Variants in INTS8 observed in about 807,000 individuals in gnomAD.
INTS8 encodes the protein integrator complex subunit 8, also known as protein kaonashi-1.
A neutral mutation model predicts 138.9 loss-of-function variants in INTS8; 47 were observed. The observed-to-expected ratio is 0.34, with a 90% CI of 0.27 to 0.43. The LOEUF is 0.43. Among genes scored for constraint, INTS8 ranks in the 20% least tolerant of loss-of-function variants. INTS8 has a pLI of 1.00. For missense variants in INTS8, 996 were observed against 1,173.0 expected (o/e 0.85, Z 2.20); for synonymous variants, 392 against 400.9 (o/e 0.98, Z 0.27).
rs1338765917 is a variant in INTS8 at position 94,825,071 on chromosome 8, T to TC, written c.305+6dup. 1 of 1,579,968 alleles carries TC rather than the reference T, an allele frequency of 6.3e-7. No individual in the cohort carries two copies. The highest frequency in any genetic ancestry group is 1.8e-5 in the Admixed American group (1 of 56,906). Reference sequence around the variant, plus strand: ...ACTTAGACATATTAGAGAAAAGGTATCCAAGATTTCAGTGAAATTTCATTT... The same window carrying TC: ...ACTTAGACATATTAGAGAAAAGGTATCCCAAGATTTCAGTGAAATTTCATTT... On this transcript the variant is annotated splice_donor_region_variant and intron_variant, in intron 2 of 26. Coordinates refer to ENST00000523731, the MANE Select transcript of INTS8 (RefSeq NM_017864.4).
chr8:94,851,018 G>A (rs1815523830), intron 12 of INTS8, among the ~76,000 whole-genome samples: 1 of 152,162 alleles, frequency 6.6e-6, no homozygotes, highest in Non-Finnish European at 1.5e-5. Context: ...AAAGGAAAAG[G>A]GTAAGGTTAA....
intron 14 of INTS8, among the ~76,000 whole-genome samples, chr8:94,854,875 G>T (rs1815687196): frequency 6.6e-6 from 1 of 151,726 alleles, no homozygotes; most frequent in Non-Finnish European, 1.5e-5. Context: ...GGAACCACAG[G>T]CATGTGCCAC....
In INTS8 at chr8:94,878,971, A is replaced by T. The variant is rs536505496; in HGVS notation, c.2872-1147A>T. On this transcript the variant is annotated intron_variant, in intron 26 of 26. Transcript: ENST00000523731. ...TTCTCAAGAAGTTAGTCCTTGGGTT[A>T]CTTTTCTGTAACCCTGCATTCTCCC... Among the ~76,000 whole-genome samples the T allele has an allele frequency of 6.8e-4, 104 of 152,214 alleles. 2 individuals are homozygous for T. Among genetic ancestry groups the T allele is most frequent in the African/African-American group, 2.4e-3 (101 of 41,528 alleles).
chr8:94,866,357 A>G (rs761127153), intron 18 of INTS8, 166 bp downstream of exon 18: 2 of 614,572 alleles, frequency 3.3e-6, no homozygotes, highest in Admixed American at 2.3e-5. Context: ...CTGAGGTGTG[A>G]TTGTAACTCA....
At chr8:94,834,207 A>C (rs964344012) in intron 6 of INTS8, among the ~76,000 whole-genome samples, 3 of 152,168 alleles carry the variant, frequency 2.0e-5, no homozygotes, top group Admixed American at 1.3e-4. Flanking sequence ...TTTTACAGTA[A>C]ATCTATTGAG....
intron 11 of INTS8, 44 bp downstream of exon 11, chr8:94,849,576 A>T: frequency 1.7e-6 from 2 of 1,159,062 alleles, no homozygotes. Context: ...TTTAACTTTG[A>T]ACTTAGTCCT....
In INTS8 at chr8:94,880,363, C is replaced by T; in HGVS notation, c.*129C>T. On this transcript the variant is annotated 3_prime_UTR_variant, in exon 27 of 27. Coordinates refer to ENST00000523731, the MANE Select transcript of INTS8 (RefSeq NM_017864.4). ...TTTCTTTTCAGACAAAATACTGAAA[C>T]AAATATTAGTTTAAAAACAAACTAT... 1 of 552,350 alleles carries T rather than the reference C, an allele frequency of 1.8e-6. No homozygotes were observed. The highest frequency in any genetic ancestry group is 2.7e-5 in the South Asian group (1 of 37,382). 34.2% of individuals were successfully genotyped at this position (552,350 alleles called of 1,614,324 possible).
intron 21 of INTS8, 66 bp from the exon 22 acceptor site, chr8:94,873,307 CT>C (rs1816462929): frequency 1.9e-6 from 2 of 1,058,976 alleles, no homozygotes; most frequent in Admixed American, 3.4e-5. Flanking sequence ...ACACCTGACT[CT>C]TTACAAAGGA....
chr8:94,858,551 GT>G (rs1286885066), intron 15 of INTS8, among the ~76,000 whole-genome samples: 3 of 152,234 alleles, frequency 2.0e-5, no homozygotes, highest in Admixed American at 6.5e-5. Flanking sequence ...AAACCCTAAT[GT>G]TTGTTGAGTG....
chr8:94,872,569 T>G (rs1816435684), intron 21 of INTS8, among the ~76,000 whole-genome samples: 1 of 152,222 alleles, frequency 6.6e-6, no homozygotes, highest in African/African-American at 2.4e-5. Flanking sequence ...TTAAGGAGAA[T>G]GAGGTTTTCT....
rs1385323217 is a variant in INTS8 at position 94,873,461 on chromosome 8, A to G, written c.2621A>G (p.Asp874Gly). 1.2e-6 allele frequency: 2 copies of G among 1,611,162 alleles called. No individual in the cohort carries two copies. Among genetic ancestry groups the G allele is most frequent in the African/African-American group, 1.3e-5 (1 of 74,872 alleles). Reference sequence around the variant, plus strand: ...TTCTTTAACAAGGCTGTGCCCCCTGATGTTTATACAGACCAGGTGAATTGT... The same window carrying G: ...TTCTTTAACAAGGCTGTGCCCCCTGGTGTTTATACAGACCAGGTGAATTGT... ...SDFFNKAVPP[D>G]VYTDQVIKRM... is the part of the protein sequence containing the mutation. The change falls in exon 22 of 27, where the codon GAT becomes GGT. Residue 874 changes from aspartate to glycine, a missense_variant. Physicochemically the swap from Asp to Gly is moderately conservative, Grantham distance 94. Coordinates refer to ENST00000523731, the MANE Select transcript of INTS8 (RefSeq NM_017864.4).
rs780605182 is a variant in INTS8, at chr8:94,881,723, G to A, written c.*1489G>A. On this transcript the variant is annotated 3_prime_UTR_variant, in exon 27 of 27. Coordinates refer to ENST00000523731, the MANE Select transcript of INTS8 (RefSeq NM_017864.4). The stretch of plus-strand genomic sequence containing the variant: ...TGACAACTGTCCCCCTTTTCTGAAG[G>A]TGTTTATGTAATTTACTTCCTCCTA... 1 of 1,613,630 alleles carries A rather than the reference G, an allele frequency of 6.2e-7. No homozygotes were observed. Among genetic ancestry groups the A allele is most frequent in the Non-Finnish European group, 8.5e-7 (1 of 1,179,744 alleles).
intron 9 of INTS8, among the ~76,000 whole-genome samples, 188 bp downstream of exon 9, chr8:94,841,779 C>T (rs758439776): frequency 2.6e-5 from 4 of 151,824 alleles, no homozygotes; most frequent in Non-Finnish European, 5.9e-5. Context: ...TTTAAAAGTG[C>T]TTGCAGGGCC....
In INTS8 at chr8:94,839,810, C is replaced by T. The variant is rs947771419; in HGVS notation, c.1017+1192C>T. 4.6e-5 allele frequency among the ~76,000 whole-genome samples: 7 copies of T among 152,142 alleles called. No homozygotes were observed. In the South Asian group the frequency reaches 1.4e-3, roughly 31 times the overall value. Reference sequence around the variant, plus strand: ...ACTTGGGAGGCCAAGGTGGGAGGATCGCTTGAGTCCAGGAGTTCAAGGTTG... The same window carrying T: ...ACTTGGGAGGCCAAGGTGGGAGGATTGCTTGAGTCCAGGAGTTCAAGGTTG... On this transcript the variant is annotated intron_variant, in intron 8 of 26. Transcript: ENST00000523731.
At chr8:94,857,925 A>T (rs149493862) in intron 15 of INTS8, among the ~76,000 whole-genome samples, 98 of 152,388 alleles carry the variant, frequency 6.4e-4, no homozygotes, top group African/African-American at 2.3e-3. Context: ...AAAGAATCAA[A>T]ATGTCCTTGA....
chr8:94,827,594 T>G (rs902995258), intron 3 of INTS8, 128 bp from the exon 4 acceptor site: 2 of 1,023,888 alleles, frequency 2.0e-6, no homozygotes, highest in Non-Finnish European at 3.0e-6. Context: ...TGTGGATGAC[T>G]TATGCAGGAT....
intron 13 of INTS8, among the ~76,000 whole-genome samples, chr8:94,852,507 CA>C (rs948156538): frequency 6.6e-6 from 1 of 151,750 alleles, no homozygotes; most frequent in African/African-American, 2.4e-5. Flanking sequence ...GAAATTAAAG[CA>C]ATATGGTAAT....
chr8:94,866,484 C>G, intron 18 of INTS8: 1 of 314,986 alleles, frequency 3.2e-6, no homozygotes, highest in African/African-American at 2.2e-5. Context: ...GAGGTCTCCC[C>G]TTGTTGCCCA....
intron 15 of INTS8, 139 bp downstream of exon 15, chr8:94,857,117 G>A: frequency 1.5e-6 from 1 of 665,432 alleles, no homozygotes; most frequent in South Asian, 2.0e-5. Context: ...CTGTCACCCA[G>A]GCTGGAGTGT....
Sources: gnomAD v4.1 joint callset for allele counts (sites outside exome capture counted in the v4.1 genomes callset) on GRCh38, gnomAD v4.1.1 for gene constraint, MANE v1.5 for transcripts, NCBI Gene and HGNC (gene_info 2026-07-23, HGNC 2026-07-21) for gene names.